Variants in FGF1 observed in about 807,000 individuals in gnomAD.
FGF1 encodes beta-endothelial cell growth factor.
A neutral mutation model predicts 13.4 loss-of-function variants in FGF1; 9 were observed. That is an observed-to-expected ratio of 0.67 (90% CI 0.40 to 1.17). The LOEUF is 1.17. Ranked by LOEUF, FGF1 falls within the 50% of genes most tolerant of loss-of-function variation. The probability of loss-of-function intolerance (pLI) is 0.01; values close to 1 mark genes in which losing one functional copy is unlikely to be tolerated. For synonymous variants in FGF1, 93 were observed against 79.0 expected (o/e 1.18, Z -0.94); for missense variants, 156 against 192.7 (o/e 0.81, Z 1.13).
intron 1 of FGF1, among the ~76,000 whole-genome samples, chr5:142,620,688 A>G (rs369408945): frequency 1.3e-5 from 2 of 152,226 alleles, no homozygotes; most frequent in East Asian, 3.8e-4. Context: ...GATAGAGCAA[A>G]CAGACACCAA....
intron 2 of FGF1, among the ~76,000 whole-genome samples, chr5:142,606,214 C>CTGTGTG (rs1283591761): frequency 0.025 from 1,761 of 71,024 alleles, 40 homozygotes; most frequent in African/African-American, 0.085. Flanking sequence ...CATTCTTTCT[C>CTGTGTG]TCTCTGTGTG....
intron 1 of FGF1, among the ~76,000 whole-genome samples, chr5:142,620,199 C>T (rs939853682): frequency 1.1e-4 from 17 of 151,966 alleles, no homozygotes; most frequent in Non-Finnish European, 1.0e-4. Flanking sequence ...GGGCGGATCA[C>T]GAGGTAAGGA....
chr5:142,617,732 G>A (rs1252594035), intron 1 of FGF1, among the ~76,000 whole-genome samples: 1 of 152,146 alleles, frequency 6.6e-6, no homozygotes, highest in Non-Finnish European at 1.5e-5. Flanking sequence ...TGACTCAGCT[G>A]AAACATATAA....
Position 142,615,253 on chromosome 5 carries a change from T to C in FGF1, c.-34-1092A>G, listed in dbSNP as rs578138974. 1.1e-3 allele frequency among the ~76,000 whole-genome samples: 168 copies of C among 152,246 alleles called. 2 individuals are homozygous for C. Among genetic ancestry groups the C allele is most frequent in the African/African-American group, 3.9e-3 (163 of 41,550 alleles). Reference sequence around the variant, plus strand: ...TTTTTTTCTCCTGAGACGGAGTCTCTGTAGCCCAGGATGGAGTGCAGTAGC... The same window carrying C: ...TTTTTTTCTCCTGAGACGGAGTCTCCGTAGCCCAGGATGGAGTGCAGTAGC... On this transcript the variant is annotated intron_variant, in intron 1 of 3. Coordinates refer to ENST00000337706, the MANE Select transcript of FGF1 (RefSeq NM_000800.5).
In FGF1 at chr5:142,681,518, G is replaced by A. The variant is rs1773691458; in HGVS notation, c.-35+4439C>T. Reference sequence around the variant, plus strand: ...AATCCCAGAGGCTATGGGTCCTCAAGGTTGAGATTCTACCTATGGCCCAAG... The same window carrying A: ...AATCCCAGAGGCTATGGGTCCTCAAAGTTGAGATTCTACCTATGGCCCAAG... On this transcript the variant is annotated intron_variant, in intron 1 of 3. Transcript: ENST00000337706. Among the ~76,000 whole-genome samples, 3 of 152,190 alleles carry A rather than the reference G, an allele frequency of 2.0e-5. No homozygotes were observed. The South Asian group carries it at 6.2e-4, about 32-fold the overall frequency.
chr5:142,618,974 G>A (rs1305764142), intron 1 of FGF1, among the ~76,000 whole-genome samples: 2 of 117,596 alleles, frequency 1.7e-5, no homozygotes, highest in Non-Finnish European at 3.3e-5. Flanking sequence ...CCGCTCTTTA[G>A]CCCAGGCCGG....
At chr5:142,671,245 T>C (rs1315181536) in intron 1 of FGF1, among the ~76,000 whole-genome samples, 1 of 152,246 alleles carries the variant, frequency 6.6e-6, no homozygotes, top group East Asian at 1.9e-4. Context: ...CTTCTATGTA[T>C]GTGTCAGTGG....
intron 1 of FGF1, among the ~76,000 whole-genome samples, chr5:142,676,461 G>GA (rs1349265757): frequency 1.3e-5 from 2 of 152,200 alleles, no homozygotes; most frequent in African/African-American, 2.4e-5. Flanking sequence ...CCCTAGGACA[G>GA]AACCGCTGCT....
At chr5:142,669,256 G>A (rs1474640212) in intron 1 of FGF1, among the ~76,000 whole-genome samples, 2 of 152,194 alleles carry the variant, frequency 1.3e-5, no homozygotes, top group African/African-American at 4.8e-5. Flanking sequence ...TTGGTTACTG[G>A]TAGGGGGCTG....
At chr5:142,615,222 CTT>C (rs796430077) in intron 1 of FGF1, among the ~76,000 whole-genome samples, 1 of 146,886 alleles carries the variant, frequency 6.8e-6, no homozygotes. Flanking sequence ...GTGAACTGCA[CTT>C]TTTTTTTTTT....
chr5:142,646,408 T>G (rs1450313298), intron 1 of FGF1, among the ~76,000 whole-genome samples: 2 of 151,576 alleles, frequency 1.3e-5, no homozygotes, highest in East Asian at 3.9e-4. Context: ...TGGAGTGCAG[T>G]GGCGCGCAAT....
intron 3 of FGF1, 101 bp from the exon 4 acceptor site, chr5:142,595,585 T>C (rs1185015912): frequency 5.5e-6 from 5 of 909,650 alleles, no homozygotes; most frequent in Non-Finnish European, 8.4e-6. Context: ...ATACTAAAGC[T>C]CTCCATGCCT....
At chr5:142,683,860 C>T (rs1188608085) in intron 1 of FGF1, among the ~76,000 whole-genome samples, 2 of 79,492 alleles carry the variant, frequency 2.5e-5, no homozygotes, top group Non-Finnish European at 5.6e-5. Context: ...GAAAATTAAT[C>T]CTTTATCCTT....
Position 142,593,917 on chromosome 5 carries a change from C to T in FGF1, c.*1373G>A, listed in dbSNP as rs1402802259. ...AGTTTAAGCAGGAAGTGTATTTATA[C>T]AAGTAATGGTAATACAAATGGTCTC... On this transcript the variant is annotated 3_prime_UTR_variant, in exon 4 of 4. Coordinates refer to ENST00000337706, the MANE Select transcript of FGF1 (RefSeq NM_000800.5). The T allele has an allele frequency of 3.3e-5, 5 of 152,604 alleles. No individual in the cohort carries two copies. The highest frequency in any genetic ancestry group is 7.3e-5 in the Non-Finnish European group (5 of 68,034). The allele number at this position is 152,604 out of a possible 1,614,324, so 9.5% of individuals were successfully genotyped here.
chr5:142,608,708 C>CATATATATAT (rs149917804), intron 2 of FGF1, among the ~76,000 whole-genome samples: 12 of 144,310 alleles, frequency 8.3e-5, no homozygotes, highest in Admixed American at 2.8e-4. Flanking sequence ...GACTGAATGA[C>CATATATATAT]ATATATATAT....
chr5:142,598,590 G>T, intron 3 of FGF1, among the ~76,000 whole-genome samples: 1 of 151,828 alleles, frequency 6.6e-6, no homozygotes, highest in East Asian at 1.9e-4. Context: ...TCAGTATTTT[G>T]ATATATAGCC....
At chr5:142,689,990 C>T (rs1236529200), upstream of FGF1, among the ~76,000 whole-genome samples, 2 of 148,670 alleles carry the variant, frequency 1.3e-5, no homozygotes, top group Non-Finnish European at 3.0e-5. Flanking sequence ...CGTGAGCCAC[C>T]GCGCCCGGCC....
At chr5:142,690,853 C>T (rs1387320624), upstream of FGF1, among the ~76,000 whole-genome samples, 1 of 152,210 alleles carries the variant, frequency 6.6e-6, no homozygotes, top group African/African-American at 2.4e-5. Context: ...CATTGCTCAC[C>T]GTGCTCCAGT....
chr5:142,618,929 GTTT>G (rs869093279), intron 1 of FGF1, among the ~76,000 whole-genome samples: 2 of 61,252 alleles, frequency 3.3e-5, no homozygotes, highest in East Asian at 1.2e-3. Context: ...TAGTTGTTTT[GTTT>G]TTTTTTTTTT....
Sources: gnomAD v4.1 joint callset for allele counts (sites outside exome capture counted in the v4.1 genomes callset) on GRCh38, gnomAD v4.1.1 for gene constraint, MANE v1.5 for transcripts, NCBI Gene and HGNC (gene_info 2026-07-23, HGNC 2026-07-21) for gene names.